FAS: variants seen among roughly 807,000 people sequenced by gnomAD.
FAS encodes the protein Fas cell surface death receptor.
In FAS, 5 loss-of-function variants were observed where a neutral mutation model predicts 33.2. The observed-to-expected ratio is 0.15, with a 90% CI of 0.08 to 0.32. FAS has a LOEUF of 0.32. Ranked by LOEUF, FAS falls within the 10% of genes least tolerant of loss-of-function variation. FAS has a pLI of 1.00. For missense variants in FAS, 339 were observed against 386.0 expected (o/e 0.88, Z 1.02); for synonymous variants, 131 against 130.7 (o/e 1.00, Z -0.01).
chr10:89,008,778 C>A, intron 3 of FAS, 111 bp from the exon 4 acceptor site: 1 of 942,652 alleles, frequency 1.1e-6, no homozygotes, highest in Non-Finnish European at 1.8e-6. Context: ...CATGCTGTGA[C>A]TGTTGATATA....
chr10:88,996,400 T>G (rs773375038), intron 1 of FAS, among the ~76,000 whole-genome samples: 4 of 151,932 alleles, frequency 2.6e-5, no homozygotes, highest in Admixed American at 6.6e-5. Context: ...TTTGAATCCA[T>G]AAAAGTAGAG....
At chr10:88,982,950 C>T (rs563338317), upstream of FAS, among the ~76,000 whole-genome samples, 18 of 152,178 alleles carry the variant, frequency 1.2e-4, no homozygotes, top group Non-Finnish European at 2.4e-4. Context: ...TTTCCCTGAG[C>T]AAAGACTCTT....
At chr10:89,003,293 C>T in intron 2 of FAS, 99 bp downstream of exon 2, 1 of 1,342,538 alleles carries the variant, frequency 7.4e-7, no homozygotes, top group East Asian at 2.4e-5. Flanking sequence ...TTTGGTTCCC[C>T]TATATTATAT....
At chr10:88,965,650 G>C (rs1246047202) in intron 1 of FAS, among the ~76,000 whole-genome samples, 3 of 129,190 alleles carry the variant, frequency 2.3e-5, no homozygotes, top group Non-Finnish European at 5.2e-5. Context: ...TAGTTGCAAG[G>C]TCAAGCCATT....
chr10:88,967,467 A>G (rs1329051515), intron 1 of FAS, among the ~76,000 whole-genome samples: 1 of 152,176 alleles, frequency 6.6e-6, no homozygotes, highest in East Asian at 1.9e-4. Context: ...AGATGCGAGA[A>G]TACAGTGGAA....
rs1848813264 is a variant in FAS at position 89,016,562 on chromosome 10, G to T, written c.*2112G>T. 1.3e-5 allele frequency: 3 copies of T among 226,330 alleles called. No homozygotes were observed. Among genetic ancestry groups the T allele is most frequent in the Non-Finnish European group, 2.6e-5 (3 of 113,754 alleles). 14.0% of individuals were successfully genotyped at this position (226,330 alleles called of 1,614,324 possible). ...GACAGTGGAGAAGTCTTTGTACTTG[G>T]TGATGTGGTTTTTTTCCTCATGGCT... is the stretch of plus-strand genomic sequence containing the variant. On this transcript the variant is annotated 3_prime_UTR_variant, in exon 9 of 9. Transcript: ENST00000652046.
chr10:89,016,322 G>A lies in FAS; in HGVS notation c.*1872G>A, dbSNP rs1031565149. ...GGCAGAAAGTCTGAGTGATCACAGG[G>A]TTCACTCATTAATTTCTCTTTTCTG... On this transcript the variant is annotated 3_prime_UTR_variant, in exon 9 of 9. Transcript: ENST00000652046. 2 of 220,578 alleles carry A rather than the reference G, an allele frequency of 9.1e-6. No homozygotes were observed. The highest frequency in any genetic ancestry group is 1.8e-5 in the Non-Finnish European group (2 of 110,034). The allele number at this position is 220,578 out of a possible 1,614,324, so 13.7% of individuals were successfully genotyped here. A position where few individuals can be genotyped will look rare whatever the true frequency, so the allele number is the denominator to read the frequency against.
rs1171462655 is a variant in FAS at position 89,007,584 on chromosome 10, AC to A, written c.197-109del. The A allele has an allele frequency of 3.0e-5, 36 of 1,204,418 alleles. 1 individual carries two copies. Among genetic ancestry groups the A allele is most frequent in the Admixed American group, 8.3e-5 (4 of 48,128 alleles). The allele number at this position is 1,204,418 out of a possible 1,614,324, so 74.6% of individuals were successfully genotyped here. ...CATTGTATTTATATCTCATTAGCCTACCCCCCCTCCCCTTGTGTTTTAGAAG... is the reference window on the plus strand; with the variant it reads ...CATTGTATTTATATCTCATTAGCCTACCCCCCTCCCCTTGTGTTTTAGAAG... On this transcript the variant is annotated intron_variant, in intron 2 of 8. Coordinates refer to ENST00000652046, the MANE Select transcript of FAS (RefSeq NM_000043.6).
Position 89,015,044 on chromosome 10 carries a change from A to C in FAS, c.*594A>C. The C allele has an allele frequency of 5.6e-6, 3 of 534,218 alleles. No homozygotes were observed. The highest frequency in any genetic ancestry group is 1.5e-5 in the South Asian group (1 of 65,106). 33.1% of individuals were successfully genotyped at this position (534,218 alleles called of 1,614,324 possible). On this transcript the variant is annotated 3_prime_UTR_variant, in exon 9 of 9. Coordinates refer to ENST00000652046, the MANE Select transcript of FAS (RefSeq NM_000043.6). ...TTGCACAGTTTATTGGTGTCATATT[A>C]TACAATATTTCAATTGTGAATTCAC...
In FAS at chr10:89,009,041, G is replaced by A. The variant is rs758374506; in HGVS notation, c.443+44G>A. The A allele has an allele frequency of 1.8e-5, 27 of 1,480,646 alleles. No homozygotes were observed. The Admixed American group carries it at 4.0e-4, about 22-fold the overall frequency. 91.7% of individuals were successfully genotyped at this position (1,480,646 alleles called of 1,614,324 possible). On this transcript the variant is annotated intron_variant, in intron 4 of 8. Transcript: ENST00000652046. ...CTGATTAAAACACTAGATATAACAT[G>A]AGAGTTATCATTTTCCTAGGGAAGT... is the stretch of plus-strand genomic sequence containing the variant.
intron 2 of FAS, among the ~76,000 whole-genome samples, chr10:88,979,199 A>T (rs549449392): frequency 6.6e-6 from 1 of 152,198 alleles, no homozygotes; most frequent in Admixed American, 6.5e-5. Context: ...GATGTTGTGT[A>T]TGAGCGTAGG....
upstream of FAS, among the ~76,000 whole-genome samples, chr10:88,988,025 T>A (rs1174136682): frequency 6.6e-6 from 1 of 152,186 alleles, no homozygotes. Flanking sequence ...GAACTATAAC[T>A]TTTTCATGGG....
At chr10:89,013,504 G>A in intron 8 of FAS, 137 bp downstream of exon 8, 1 of 820,184 alleles carries the variant, frequency 1.2e-6, no homozygotes, top group Non-Finnish European at 2.0e-6. Flanking sequence ...TACCTGCTCA[G>A]CATAAAGCAT....
intron 2 of FAS, among the ~76,000 whole-genome samples, chr10:88,978,966 C>T (rs112802158): frequency 5.3e-5 from 8 of 151,758 alleles, no homozygotes; most frequent in Non-Finnish European, 1.5e-5. Context: ...CACTGCATAG[C>T]ATCTTTTCTA....
intron 1 of FAS, among the ~76,000 whole-genome samples, chr10:88,994,437 A>G (rs1847460573): frequency 6.6e-6 from 1 of 152,256 alleles, no homozygotes; most frequent in African/African-American, 2.4e-5. Flanking sequence ...AACACAATTT[A>G]AAACTTGAAA....
chr10:88,978,793 G>A (rs1007018069), intron 2 of FAS, among the ~76,000 whole-genome samples: 2 of 152,120 alleles, frequency 1.3e-5, no homozygotes, highest in African/African-American at 2.4e-5. Context: ...ATTGTTCCAC[G>A]TCTAATGGTA....
chr10:88,996,613 C>G (rs148689002), intron 1 of FAS, among the ~76,000 whole-genome samples: 2 of 152,018 alleles, frequency 1.3e-5, no homozygotes, highest in Non-Finnish European at 2.9e-5. Context: ...CACACACACA[C>G]AAAAGAAAAT....
intron 2 of FAS, among the ~76,000 whole-genome samples, chr10:88,976,599 A>T (rs568197290): frequency 6.6e-6 from 1 of 152,368 alleles, no homozygotes; most frequent in East Asian, 1.9e-4. Context: ...AATGACTAAC[A>T]TATCTCTAAT....
chr10:88,998,808 T>C (rs982116882), intron 1 of FAS, among the ~76,000 whole-genome samples: 2 of 152,146 alleles, frequency 1.3e-5, no homozygotes, highest in Non-Finnish European at 2.9e-5. Context: ...GTTTAATTGT[T>C]TAAAATTTTA....
Sources: allele counts gnomAD v4.1 joint callset (sites outside exome capture counted in the v4.1 genomes callset), GRCh38; gene constraint gnomAD v4.1.1; transcripts MANE v1.5; gene names NCBI Gene and HGNC (gene_info 2026-07-23, HGNC 2026-07-21).